Variants in ANKRD11 observed in about 807,000 individuals in gnomAD.
ANKRD11 encodes ankyrin repeat domain-containing protein 11.
In ANKRD11, 17 loss-of-function variants were observed where a neutral mutation model predicts 195.7. That is an observed-to-expected ratio of 0.09 (90% CI 0.06 to 0.13). The LOEUF (loss-of-function observed/expected upper bound fraction) is 0.13, where lower values mean the gene tolerates loss of function less well. Ranked by LOEUF, ANKRD11 falls within the 10% of genes least tolerant of loss-of-function variation. The pLI, the probability that ANKRD11 is intolerant of heterozygous loss-of-function variation, is 1.00. For missense variants in ANKRD11, 3,735 were observed against 3,566.1 expected, an observed-to-expected ratio of 1.05 and a Z score of -1.21; for synonymous variants, 1,953 against 1,528.1, an observed-to-expected ratio of 1.28 and a Z score of -6.49.
chr16:89,305,499 G>A (rs1266772881), intron 3 of ANKRD11, among the ~76,000 whole-genome samples, 155 bp from the exon 4 acceptor site: 4 of 152,084 alleles, frequency 2.6e-5, no homozygotes, highest in Admixed American at 2.0e-4. Flanking sequence ...GCTGGTCACC[G>A]ACCGCAGAAC....
chr16:89,271,143 C>CA, intron 11 of ANKRD11: 1 of 576,220 alleles, frequency 1.7e-6, no homozygotes, highest in Non-Finnish European at 3.2e-6. Flanking sequence ...GTCTCCTGGG[C>CA]ACCGGGTGCC....
At position 89,353,350 on chromosome 16, in the gene ANKRD11, AAGAGAGAGAGAG is replaced by A. The variant is rs112221236; in HGVS notation, c.-59-36284_-59-36273del. Among the ~76,000 whole-genome samples, 700 of 149,558 alleles carry A rather than the reference AAGAGAGAGAGAG, an allele frequency of 4.7e-3. 4 individuals carry two copies. The highest frequency in any genetic ancestry group is 0.016 in the African/African-American group (653 of 40,554). ...GAGTGAGACTCCAACTCCAAAAAAAAAGAGAGAGAGAGAGAGAGAGAGAAAGTAAACAAAGTT... is the reference window on the plus strand; with the variant it reads ...GAGTGAGACTCCAACTCCAAAAAAAAAGAGAGAGAGAAAGTAAACAAAGTT... On this transcript the variant is annotated intron_variant, in intron 2 of 12. Coordinates refer to ENST00000301030, the MANE Select transcript of ANKRD11 (RefSeq NM_013275.6).
At chr16:89,355,086 A>T (rs915687311) in intron 2 of ANKRD11, among the ~76,000 whole-genome samples, 2 of 152,212 alleles carry the variant, frequency 1.3e-5, no homozygotes, top group Admixed American at 1.3e-4. Context: ...GAAAAAGTCT[A>T]AATGTTGCTG....
chr16:89,461,420 T>A (rs1314600836), intron 1 of ANKRD11, among the ~76,000 whole-genome samples: 1 of 152,054 alleles, frequency 6.6e-6, no homozygotes, highest in Non-Finnish European at 1.5e-5. Flanking sequence ...GTACAAATGG[T>A]CAATTTTATA....
At chr16:89,358,131 G>T (rs1284232778) in intron 2 of ANKRD11, among the ~76,000 whole-genome samples, 1 of 152,126 alleles carries the variant, frequency 6.6e-6, no homozygotes, top group Non-Finnish European at 1.5e-5. Flanking sequence ...TAACAACCAG[G>T]GTGGCTGGAG....
chr16:89,283,762 T>C lies in ANKRD11; in HGVS notation c.2780A>G (p.His927Arg), dbSNP rs756880674. The part of the protein sequence containing the change: ...SEKRKEQTEK[H>R]KSVPGYLSEK... ...CGAAAGGTAGCCAGGGACACTTTTATGCTTTTCGGTCTGCTCTTTCCTCTT... is the reference window on the plus strand; with the variant it reads ...CGAAAGGTAGCCAGGGACACTTTTACGCTTTTCGGTCTGCTCTTTCCTCTT... Residue 927 changes from histidine to arginine, a missense_variant, in exon 9 of 13, where the codon CAT becomes CGT. By Grantham distance (29) the His-to-Arg change is conservative. Transcript: ENST00000301030. This position sits in a 1 kb window ranked among gnomAD's most constrained non-coding sequence, Gnocchi z 4.3. 1 of 1,613,584 alleles carries C rather than the reference T, an allele frequency of 6.2e-7. No individual in the cohort carries two copies.
At chr16:89,428,486 C>T (rs924061351) in intron 1 of ANKRD11, among the ~76,000 whole-genome samples, 1 of 148,944 alleles carries the variant, frequency 6.7e-6, no homozygotes, top group Admixed American at 6.7e-5. Context: ...AGACTGCGCC[C>T]TACACTCCAG....
chr16:89,269,270 C>G lies in ANKRD11; in HGVS notation c.7807-607G>C, dbSNP rs567721416. ...TCTGGGGCTCAAGGGATCCTCCCTC[C>G]TCAACCTCCCGAGTAGCTGGGACTA... On this transcript the variant is annotated intron_variant, in intron 12 of 12. Coordinates refer to ENST00000301030, the MANE Select transcript of ANKRD11 (RefSeq NM_013275.6). Among the ~76,000 whole-genome samples, 13 of 152,194 alleles carry G rather than the reference C, an allele frequency of 8.5e-5. No homozygotes were observed. The South Asian group carries it at 2.7e-3, about 32-fold the overall frequency.
At chr16:89,448,406 G>A (rs1468683266) in intron 1 of ANKRD11, among the ~76,000 whole-genome samples, 11 of 152,194 alleles carry the variant, frequency 7.2e-5, no homozygotes, top group Admixed American at 5.9e-4. Context: ...ACTTCTCCCT[G>A]ATCTGTCAGA....
rs548325685 is a variant in ANKRD11 at position 89,454,476 on chromosome 16, T to C, written c.-145+35769A>G. Among the ~76,000 whole-genome samples the C allele has an allele frequency of 3.6e-3, 545 of 152,296 alleles. 1 individual carries two copies. The highest frequency in any genetic ancestry group is 5.7e-3 in the Non-Finnish European group (388 of 68,014). ...ACTCATATAAGCAATTAATTTTTAA[T>C]AAGCACTGCTCATATATTAATGCCA... On this transcript the variant is annotated intron_variant, in intron 1 of 12. Coordinates refer to ENST00000301030, the MANE Select transcript of ANKRD11 (RefSeq NM_013275.6).
rs1254114524 is a variant in ANKRD11 at position 89,305,603 on chromosome 16, GGT to G, written c.88-261_88-260del. Among the ~76,000 whole-genome samples the G allele has an allele frequency of 4.6e-5, 7 of 152,180 alleles. No homozygotes were observed. In the East Asian group the frequency reaches 1.3e-3, roughly 29 times the overall value. ...CCGGAGGGACGCTCAGGAAATCGCTGGTGTGTGTGGAGAAAGCAGAGGAGACA... is the reference window on the plus strand; with the variant it reads ...CCGGAGGGACGCTCAGGAAATCGCTGGTGTGTGGAGAAAGCAGAGGAGACA... On this transcript the variant is annotated intron_variant, in intron 3 of 12. Coordinates refer to ENST00000301030, the MANE Select transcript of ANKRD11 (RefSeq NM_013275.6).
Position 89,280,160 on chromosome 16 carries a change from C to T in ANKRD11, c.6382G>A (p.Glu2128Lys). 2.5e-6 allele frequency: 4 copies of T among 1,610,154 alleles called. No homozygotes were observed. Among genetic ancestry groups the T allele is most frequent in the Non-Finnish European group, 3.4e-6 (4 of 1,178,922 alleles). ...VPWADAFAGP[E>K]DDLDLGPFSL... ...AAGGGCCCCAGGTCCAGGTCGTCCT[C>T]GGGGCCGGCGAAGGCGTCCGCCCAG... Residue 2128 changes from glutamate to lysine, a missense_variant, in exon 9 of 13, where the codon GAG becomes AAG. Transcript: ENST00000301030.
At chr16:89,297,273 T>C (rs962564588) in intron 4 of ANKRD11, among the ~76,000 whole-genome samples, 19 of 152,216 alleles carry the variant, frequency 1.2e-4, no homozygotes, top group Non-Finnish European at 7.4e-5. Context: ...CGTCCCACCG[T>C]AAAACTCGAA....
chr16:89,465,484 G>C (rs557269749), intron 1 of ANKRD11, among the ~76,000 whole-genome samples: 1 of 152,250 alleles, frequency 6.6e-6, no homozygotes, highest in Non-Finnish European at 1.5e-5. Flanking sequence ...ACAGTCCATC[G>C]AGGCCTTTCT....
At chr16:89,339,764 A>G (rs1371808484) in intron 2 of ANKRD11, 1 of 152,242 alleles carries the variant, frequency 6.6e-6, no homozygotes, top group Non-Finnish European at 1.5e-5. Context: ...ATTACAAATT[A>G]CATAATGGTT....
chr16:89,353,153 C>T (rs1294624211), intron 2 of ANKRD11, among the ~76,000 whole-genome samples: 1 of 152,046 alleles, frequency 6.6e-6, no homozygotes, highest in East Asian at 1.9e-4. Flanking sequence ...ACCAGCCTGG[C>T]CAATATGGTG....
At chr16:89,340,321 A>G (rs1316642761) in intron 2 of ANKRD11, among the ~76,000 whole-genome samples, 1 of 152,252 alleles carries the variant, frequency 6.6e-6, no homozygotes, top group African/African-American at 2.4e-5. Context: ...TCTGTCGCCC[A>G]GGCTGAAGTG....
chr16:89,273,720 T>C (rs2033388874), intron 11 of ANKRD11, among the ~76,000 whole-genome samples: 2 of 151,860 alleles, frequency 1.3e-5, no homozygotes, highest in African/African-American at 2.4e-5. Flanking sequence ...AAATAAAATT[T>C]GTCATTGTGT....
intron 1 of ANKRD11, among the ~76,000 whole-genome samples, chr16:89,483,345 T>G (rs2152376961): frequency 6.6e-6 from 1 of 152,312 alleles, no homozygotes; most frequent in Non-Finnish European, 1.5e-5. Context: ...AGAACCCAAG[T>G]TTAGCAGAAT....
Sources: gnomAD v4.1 joint callset for allele counts (sites outside exome capture counted in the v4.1 genomes callset) on GRCh38, gnomAD v4.1.1 for gene constraint, Gnocchi (gnomAD v3.1) non-coding constraint, MANE v1.5 for transcripts, NCBI Gene and HGNC (gene_info 2026-07-23, HGNC 2026-07-21) for gene names.